Variants in NKAIN3 observed in about 807,000 individuals in gnomAD.
NKAIN3 encodes sodium/potassium transporting ATPase interacting 3.
A neutral mutation model predicts 30.2 loss-of-function variants in NKAIN3; 25 were observed. The ratio of observed to expected loss-of-function variants is 0.83; its 90% CI spans 0.60 to 1.16. NKAIN3 has a LOEUF of 1.16. NKAIN3 is among the 50% of genes most tolerant of loss of function. The pLI is 0.00. For missense variants in NKAIN3, 225 were observed against 254.1 expected (o/e 0.89, Z 0.78); for synonymous variants, 91 against 89.6 (o/e 1.02, Z -0.09).
chr8:62,470,753 T>C (rs1260673046), intron 1 of NKAIN3, among the ~76,000 whole-genome samples: 1 of 152,040 alleles, frequency 6.6e-6, no homozygotes, highest in Non-Finnish European at 1.5e-5. Flanking sequence ...CAATATTAAA[T>C]AGAAGCAAGC....
At chr8:62,624,383 AT>A (rs948460095) in intron 3 of NKAIN3, among the ~76,000 whole-genome samples, 28 of 148,958 alleles carry the variant, frequency 1.9e-4, no homozygotes, top group East Asian at 7.9e-4. Context: ...CTAGGTTGGT[AT>A]TTTTTTTTTC....
chr8:62,289,257 T>C (rs1489194605), intron 1 of NKAIN3, among the ~76,000 whole-genome samples: 1 of 152,228 alleles, frequency 6.6e-6, no homozygotes, highest in Non-Finnish European at 1.5e-5. Flanking sequence ...GTAGATCCCA[T>C]TTGTCAATTT....
chr8:62,464,951 T>A (rs1405919782), intron 1 of NKAIN3, among the ~76,000 whole-genome samples: 1 of 152,204 alleles, frequency 6.6e-6, no homozygotes, highest in East Asian at 1.9e-4. Flanking sequence ...GGCATTTCAA[T>A]GTACTGAGCT....
intron 4 of NKAIN3, among the ~76,000 whole-genome samples, chr8:62,835,672 T>C (rs967017023): frequency 2.6e-5 from 4 of 152,136 alleles, no homozygotes; most frequent in East Asian, 1.9e-4. Flanking sequence ...ATGGCTATTA[T>C]TAGGAAGTCA....
intron 4 of NKAIN3, among the ~76,000 whole-genome samples, chr8:62,769,003 T>C (rs1648351738): frequency 6.6e-6 from 1 of 152,228 alleles, no homozygotes; most frequent in South Asian, 2.1e-4. Flanking sequence ...TGATAAATTA[T>C]GCCTTCTTAA....
chr8:62,749,360 T>A (rs892563642), intron 4 of NKAIN3, among the ~76,000 whole-genome samples: 2 of 152,162 alleles, frequency 1.3e-5, no homozygotes, highest in Non-Finnish European at 2.9e-5. Context: ...TAAAAGTACT[T>A]TTCCCTTATA....
intron 3 of NKAIN3, among the ~76,000 whole-genome samples, chr8:62,654,062 T>C (rs1233211738): frequency 3.3e-5 from 5 of 151,966 alleles, no homozygotes; most frequent in African/African-American, 1.2e-4. Context: ...GCAACAGAGA[T>C]GGTAGAGAAA....
intron 1 of NKAIN3, among the ~76,000 whole-genome samples, chr8:62,288,961 G>C (rs1813476527): frequency 6.6e-6 from 1 of 152,194 alleles, no homozygotes; most frequent in Admixed American, 6.5e-5. Context: ...GTATCACATT[G>C]TGGTTTTGAT....
chr8:62,610,849 G>A (rs1023535509), intron 3 of NKAIN3, among the ~76,000 whole-genome samples: 2 of 152,192 alleles, frequency 1.3e-5, no homozygotes, highest in East Asian at 3.9e-4. Flanking sequence ...AGAAGGGGTT[G>A]GTTGAAATGA....
intron 4 of NKAIN3, among the ~76,000 whole-genome samples, chr8:62,802,652 G>A (rs1181759614): frequency 1.3e-5 from 2 of 152,184 alleles, no homozygotes; most frequent in East Asian, 3.8e-4. Context: ...ACCAGCCACT[G>A]CAAAATCATG....
chr8:62,803,761 A>G (rs185502527), intron 4 of NKAIN3, among the ~76,000 whole-genome samples: 1 of 152,276 alleles, frequency 6.6e-6, no homozygotes, highest in East Asian at 1.9e-4. Flanking sequence ...AAATAACTAA[A>G]ATCAGAGCAG....
At chr8:62,598,562 T>G (rs1000304687) in intron 3 of NKAIN3, among the ~76,000 whole-genome samples, 1 of 152,060 alleles carries the variant, frequency 6.6e-6, no homozygotes, top group African/African-American at 2.4e-5. Flanking sequence ...TAAGAGGAAG[T>G]TCTTAACCAC....
intron 4 of NKAIN3, among the ~76,000 whole-genome samples, chr8:62,843,312 T>C (rs1819584159): frequency 6.6e-6 from 1 of 151,068 alleles, no homozygotes; most frequent in African/African-American, 2.4e-5. Context: ...TTTTAATTAA[T>C]TAATTAATTA....
chr8:62,616,491 A>G (rs559303679), intron 3 of NKAIN3, among the ~76,000 whole-genome samples: 1 of 152,298 alleles, frequency 6.6e-6, no homozygotes, highest in African/African-American at 2.4e-5. Flanking sequence ...ACAAGATATG[A>G]GGGCGAGGTT....
intron 5 of NKAIN3, among the ~76,000 whole-genome samples, chr8:62,927,242 G>A (rs954882262): frequency 6.6e-6 from 1 of 152,142 alleles, no homozygotes; most frequent in East Asian, 1.9e-4. Flanking sequence ...TCAGAGGCCA[G>A]CAGGGACTTC....
chr8:62,466,861 T>C (rs1472188250), intron 1 of NKAIN3, among the ~76,000 whole-genome samples: 2 of 152,046 alleles, frequency 1.3e-5, no homozygotes, highest in Non-Finnish European at 2.9e-5. Context: ...TGGATGAGAG[T>C]TAAATAAATT....
intron 5 of NKAIN3, among the ~76,000 whole-genome samples, chr8:62,931,888 A>C (rs1822628928): frequency 6.6e-6 from 1 of 152,118 alleles, no homozygotes; most frequent in Non-Finnish European, 1.5e-5. Context: ...TCTTTTAATC[A>C]TATTACCTGA....
chr8:62,721,788 T>C (rs900475925), intron 3 of NKAIN3, among the ~76,000 whole-genome samples: 2 of 152,212 alleles, frequency 1.3e-5, no homozygotes, highest in Admixed American at 1.3e-4. Context: ...AGACTCCTTG[T>C]GTGTTATTTA....
chr8:62,503,247 C>T (rs1271443576), intron 1 of NKAIN3, among the ~76,000 whole-genome samples: 6 of 152,092 alleles, frequency 3.9e-5, no homozygotes, highest in African/African-American at 1.2e-4. Context: ...TCGGTAGGTC[C>T]GTGATGCCCA....
Sources: gnomAD v4.1 joint callset for allele counts (sites outside exome capture counted in the v4.1 genomes callset) on GRCh38, gnomAD v4.1.1 for gene constraint, MANE v1.5 for transcripts, NCBI Gene and HGNC (gene_info 2026-07-23, HGNC 2026-07-21) for gene names.